The following TCTN1 variants were observed in gnomAD, a reference collection of about 807,000 sequenced individuals.
The protein encoded by TCTN1 is tectonic-1.
Under a neutral mutation model 65.8 loss-of-function variants are expected in TCTN1, and 58 were observed. The observed-to-expected ratio is 0.88, with a 90% CI of 0.71 to 1.10. The LOEUF is 1.10. Among genes scored for constraint, TCTN1 ranks in the 50% least tolerant of loss-of-function variants. The pLI, the probability that TCTN1 is intolerant of heterozygous loss-of-function variation, is 0.00. For missense variants in TCTN1, 645 were observed against 719.4 expected (o/e 0.90, Z 1.18); for synonymous variants, 273 against 289.1 (o/e 0.94, Z 0.57).
At position 110,628,809 on chromosome 12, in the gene TCTN1, A is replaced by C; in HGVS notation, c.515A>C (p.Glu172Ala). Residue 172 changes from glutamate to alanine, a missense_variant, in exon 4 of 15, where the codon GAA becomes GCA. Transcript: ENST00000397659. ...TTTATTAATCCAGAAGTACCTGATGAAAACAATTTTGATACATTGATGAAA... is the reference window on the plus strand; with the variant it reads ...TTTATTAATCCAGAAGTACCTGATGCAAACAATTTTGATACATTGATGAAA... Reference protein sequence around the residue: ...LSFINPEVPDENNFDTLMKTS... With the variant: ...LSFINPEVPDANNFDTLMKTS... 6.2e-7 allele frequency: 1 copy of C among 1,612,378 alleles called. No individual in the cohort carries two copies. The highest frequency in any genetic ancestry group is 1.1e-5 in the South Asian group (1 of 91,048).
rs1273257125 is a variant in TCTN1 at position 110,644,965 on chromosome 12, A to G, written c.1332-2A>G. On this transcript the variant is annotated splice_acceptor_variant, in intron 11 of 14. Coordinates refer to ENST00000397659, the MANE Select transcript of TCTN1 (RefSeq NM_001082538.3). LOFTEE classifies it high-confidence loss of function. This position sits in a 1 kb window ranked among gnomAD's most constrained non-coding sequence, Gnocchi z 4.6. ...CAGTTGACTTCTTTTTCCTTCACCA[A>G]GACTGACTGGAGCTCTCCCGTGTCA... 12 of 1,614,150 alleles carry G rather than the reference A, an allele frequency of 7.4e-6. No homozygotes were observed. The highest frequency in any genetic ancestry group is 1.0e-5 in the Non-Finnish European group (12 of 1,180,050).
At position 110,641,622 on chromosome 12, in the gene TCTN1, T is replaced by A. The variant is rs764965468; in HGVS notation, c.1185T>A (p.His395Gln). 1.2e-6 allele frequency: 2 copies of A among 1,614,096 alleles called. No individual in the cohort carries two copies. Among genetic ancestry groups the A allele is most frequent in the African/African-American group, 2.7e-5 (2 of 75,064 alleles). Reference protein sequence around the residue: ...GLPLAAGFQPHKGSGIIQTTN... With the variant: ...GLPLAAGFQPQKGSGIIQTTN... The stretch of plus-strand genomic sequence containing the variant: ...CATTAGCTGCTGGATTCCAGCCTCA[T>A]AAGGGATATCCTTTTTGGTTCTGTA... Residue 395 changes from histidine to glutamine, a missense_variant, in exon 10 of 15, where the codon CAT (histidine) becomes CAA (glutamine). By Grantham distance (24) the His-to-Gln change is conservative. Coordinates refer to ENST00000397659, the MANE Select transcript of TCTN1 (RefSeq NM_001082538.3).
Position 110,647,906 on chromosome 12 carries a change from A to G in TCTN1, c.*1+13A>G. On this transcript the variant is annotated intron_variant, in intron 14 of 14. Transcript: ENST00000397659. ...CCGTTTGTTTGACGTAAGTGAGGAA[A>G]CTACGCCCCTCCTCTGAGGTCATCC... The G allele has an allele frequency of 6.2e-7, 1 of 1,612,716 alleles. No homozygotes were observed. Among genetic ancestry groups the G allele is most frequent in the Non-Finnish European group, 8.5e-7 (1 of 1,180,024 alleles).
intron 5 of TCTN1, 195 bp from the exon 6 acceptor site, chr12:110,634,475 G>T: frequency 1.6e-6 from 1 of 611,908 alleles, no homozygotes; most frequent in Non-Finnish European, 3.0e-6. Context: ...TGAGGAGTTT[G>T]AGACCAGTCT....
chr12:110,615,299 T>G (rs1184243923), intron 1 of TCTN1, among the ~76,000 whole-genome samples: 1 of 152,120 alleles, frequency 6.6e-6, no homozygotes, highest in Admixed American at 6.6e-5. Flanking sequence ...ATGACTTCAC[T>G]GAATGACTGT....
chr12:110,634,854 G>A, intron 6 of TCTN1, 75 bp downstream of exon 6: 2 of 1,165,728 alleles, frequency 1.7e-6, no homozygotes, highest in Middle Eastern at 1.9e-4. Flanking sequence ...AATATGACAA[G>A]TACAGAATAA....
intron 4 of TCTN1, chr12:110,630,008 GT>G (rs1565979611): frequency 6.6e-6 from 1 of 152,168 alleles, no homozygotes. Flanking sequence ...TCACTCATAA[GT>G]GGGAGTTGAA....
chr12:110,645,326 GT>G (rs1279845508), intron 12 of TCTN1, 197 bp downstream of exon 12: 1 of 640,898 alleles, frequency 1.6e-6, no homozygotes, highest in Non-Finnish European at 2.7e-6. Context: ...TTGAGCCTCT[GT>G]TTTCATCTGT....
chr12:110,614,821 C>T (rs2064923924), intron 1 of TCTN1, among the ~76,000 whole-genome samples: 2 of 152,198 alleles, frequency 1.3e-5, no homozygotes, highest in Admixed American at 6.5e-5. Context: ...TAAGACCCTT[C>T]TCTGTTGACC....
intron 11 of TCTN1, chr12:110,643,505 A>T (rs2067098894): frequency 6.6e-6 from 1 of 152,140 alleles, no homozygotes. Context: ...AATAACCTGC[A>T]TATAATGCTA....
chr12:110,649,323 A>T lies in TCTN1; in HGVS notation c.*282A>T, dbSNP rs2067667726. On this transcript the variant is annotated 3_prime_UTR_variant, in exon 15 of 15. Coordinates refer to ENST00000397659, the MANE Select transcript of TCTN1 (RefSeq NM_001082538.3). ...GAGGTATCAAACCAAACCTCTCACC[A>T]AGCGGCCCAGGAGGGGCAGCTGTTC... 9.5e-7 allele frequency: 1 copy of T among 1,058,052 alleles called. No homozygotes were observed. Among genetic ancestry groups the T allele is most frequent in the South Asian group, 1.3e-5 (1 of 75,318 alleles). The allele number at this position is 1,058,052 out of a possible 1,614,324, so 65.5% of individuals were successfully genotyped here.
intron 7 of TCTN1, among the ~76,000 whole-genome samples, chr12:110,638,021 C>T (rs551723122): frequency 1.3e-5 from 2 of 152,258 alleles, no homozygotes; most frequent in East Asian, 3.9e-4. Context: ...TGTCTGACGT[C>T]TTTGAATCCT....
In TCTN1 at chr12:110,647,873, TC is replaced by T. The variant is rs758931728; in HGVS notation, c.1761del (p.Phe588SerfsTer111). 6.2e-7 allele frequency: 1 copy of T among 1,613,926 alleles called. No homozygotes were observed. Among genetic ancestry groups the T allele is most frequent in the Non-Finnish European group, 8.5e-7 (1 of 1,180,036 alleles). ...ATCAATGCCAGGCTGCCCTTTAACT[TC>T]TTCTTCCCGTTTGTTTGACGTAAGT... is the stretch of plus-strand genomic sequence containing the variant. Reference protein sequence around the residue: ...PAINARLPFNFFFPFV With the variant: ...PAINARLPFNXFFPFV On this transcript the variant is annotated frameshift_variant, in exon 14 of 15. Coordinates refer to ENST00000397659, the MANE Select transcript of TCTN1 (RefSeq NM_001082538.3). LOFTEE classifies it high-confidence loss of function.
At position 110,639,872 on chromosome 12, in the gene TCTN1, G is replaced by T. The variant is rs1435793593; in HGVS notation, c.844-511G>T. Among the ~76,000 whole-genome samples, 1 of 152,074 alleles carries T rather than the reference G, an allele frequency of 6.6e-6. No homozygotes were observed. Among genetic ancestry groups the T allele is most frequent in the East Asian group, 1.9e-4 (1 of 5,200 alleles). ...CCTGGCAACCACCGATCTACTTTTCGTCTCTATGGGTTTGCCTATTTGGAC... is the reference window on the plus strand; with the variant it reads ...CCTGGCAACCACCGATCTACTTTTCTTCTCTATGGGTTTGCCTATTTGGAC... On this transcript the variant is annotated intron_variant, in intron 7 of 14. Coordinates refer to ENST00000397659, the MANE Select transcript of TCTN1 (RefSeq NM_001082538.3). This position sits in a 1 kb window ranked among gnomAD's most constrained non-coding sequence, Gnocchi z 4.9.
chr12:110,647,491 G>A (rs372966997), intron 13 of TCTN1, 155 bp downstream of exon 13: 27 of 1,094,824 alleles, frequency 2.5e-5, no homozygotes, highest in Non-Finnish European at 3.3e-5. Flanking sequence ...AAACACTGAC[G>A]ATGGTTCTAC....
chr12:110,642,635 C>T (rs2067032949), intron 11 of TCTN1, among the ~76,000 whole-genome samples: 1 of 152,142 alleles, frequency 6.6e-6, no homozygotes, highest in Non-Finnish European at 1.5e-5. Flanking sequence ...GGGTCTCGCT[C>T]TGTCTCCTAG....
chr12:110,644,596 T>C lies in TCTN1; in HGVS notation c.1332-371T>C, dbSNP rs560823353. The C allele has an allele frequency of 1.2e-4, 37 of 304,338 alleles. No homozygotes were observed. Among genetic ancestry groups the C allele is most frequent in the South Asian group, 1.0e-3 (36 of 34,934 alleles). The allele number at this position is 304,338 out of a possible 1,614,324, so 18.9% of individuals were successfully genotyped here. ...AGGAGGCTGAGGCAGGAGAATCACTTGAACCTGGGAGGCGGTGGTTGCAGT... is the reference window on the plus strand; with the variant it reads ...AGGAGGCTGAGGCAGGAGAATCACTCGAACCTGGGAGGCGGTGGTTGCAGT... On this transcript the variant is annotated intron_variant, in intron 11 of 14. Coordinates refer to ENST00000397659, the MANE Select transcript of TCTN1 (RefSeq NM_001082538.3). The surrounding 1 kb of genome is among the most constrained non-coding windows in gnomAD (Gnocchi z 4.6).
rs1482826487 is a variant in TCTN1 at position 110,647,870 on chromosome 12, A to ACTT, written c.1765_1767dup (p.Phe589dup). The ACTT allele has an allele frequency of 3.1e-6, 5 of 1,613,924 alleles. No homozygotes were observed. On this transcript the variant is annotated inframe_insertion, in exon 14 of 15. Transcript: ENST00000397659. ...GCCATCAATGCCAGGCTGCCCTTTA[A>ACTT]CTTCTTCTTCCCGTTTGTTTGACGT...
chr12:110,629,757 G>A (rs895370112), intron 4 of TCTN1: 3 of 152,012 alleles, frequency 2.0e-5, no homozygotes, highest in Non-Finnish European at 2.9e-5. Context: ...TATACCCAAA[G>A]GATTATAAAT....
Sources: gnomAD v4.1 joint callset for allele counts (sites outside exome capture counted in the v4.1 genomes callset) on GRCh38, gnomAD v4.1.1 for gene constraint, Gnocchi (gnomAD v3.1) non-coding constraint, MANE v1.5 for transcripts, NCBI Gene and HGNC (gene_info 2026-07-23, HGNC 2026-07-21) for gene names.